Variants in FOXP1 observed in about 807,000 individuals in gnomAD.
FOXP1 encodes the protein forkhead box protein P1.
In FOXP1, 15 loss-of-function variants were observed where a neutral mutation model predicts 98.2. The ratio of observed to expected loss-of-function variants is 0.15; its 90% CI spans 0.10 to 0.24. The LOEUF is 0.24. Among genes scored for constraint, FOXP1 ranks in the 10% least tolerant of loss-of-function variants. FOXP1 has a pLI of 1.00. For missense variants in FOXP1, 633 were observed against 848.5 expected, an observed-to-expected ratio of 0.75 and a Z score of 3.15; for synonymous variants, 371 against 314.5, an observed-to-expected ratio of 1.18 and a Z score of -1.90.
intron 3 of FOXP1, among the ~76,000 whole-genome samples, chr3:71,433,921 A>G (rs1003452417): frequency 6.6e-6 from 1 of 152,248 alleles, no homozygotes; most frequent in Non-Finnish European, 1.5e-5. Flanking sequence ...CCAAATGGAA[A>G]CCCAAGCCCA....
At chr3:71,082,005 G>A (rs1046038500) in intron 7 of FOXP1, among the ~76,000 whole-genome samples, 16 of 152,152 alleles carry the variant, frequency 1.1e-4, no homozygotes, top group Admixed American at 2.6e-4. Context: ...TGCGCTGGGC[G>A]CGGTGGCTCA....
At position 71,581,551 on chromosome 3, in the gene FOXP1, G is replaced by A; in HGVS notation, c.-300C>T. On this transcript the variant is annotated splice_region_variant and 5_prime_UTR_variant, in exon 2 of 21. Transcript: ENST00000649528. The stretch of plus-strand genomic sequence containing the variant: ...CGCCCGCGGCCGCCTCGACTTACCC[G>A]CGGAGTCCGGGGAGGGAGTAGGAGC... The A allele has an allele frequency of 2.0e-6, 2 of 985,458 alleles. No individual in the cohort carries two copies. The highest frequency in any genetic ancestry group is 3.5e-5 in the African/African-American group (2 of 57,356). 61.0% of individuals were successfully genotyped at this position (985,458 alleles called of 1,614,324 possible). A position where few individuals can be genotyped will look rare whatever the true frequency, so the allele number is the denominator to read the frequency against.
chr3:71,540,538 A>G (rs1347164565), intron 2 of FOXP1, among the ~76,000 whole-genome samples: 1 of 152,234 alleles, frequency 6.6e-6, no homozygotes, highest in Non-Finnish European at 1.5e-5. Context: ...TAAGGACAAG[A>G]ATACTGTATG....
intron 2 of FOXP1, among the ~76,000 whole-genome samples, chr3:71,533,427 CTTACT>C (rs1169415683): frequency 6.6e-6 from 1 of 152,104 alleles, no homozygotes; most frequent in Non-Finnish European, 1.5e-5. Flanking sequence ...TTTCCTCTAG[CTTACT>C]TTATTGTCAG....
At chr3:71,541,610 T>TGG (rs1472468736) in intron 2 of FOXP1, among the ~76,000 whole-genome samples, 3 of 151,986 alleles carry the variant, frequency 2.0e-5, no homozygotes, top group African/African-American at 7.2e-5. Flanking sequence ...TACAGCAAAA[T>TGG]GTCACAGAAA....
chr3:71,355,169 C>A (rs2078066031), intron 4 of FOXP1, among the ~76,000 whole-genome samples: 1 of 152,170 alleles, frequency 6.6e-6, no homozygotes, highest in Admixed American at 6.5e-5. Flanking sequence ...CTCCCTCAAC[C>A]AGATACAGTC....
chr3:71,569,656 C>T (rs2047179494), intron 2 of FOXP1, among the ~76,000 whole-genome samples: 1 of 152,000 alleles, frequency 6.6e-6, no homozygotes, highest in South Asian at 2.1e-4. Flanking sequence ...CACACATACA[C>T]ATAGAGAGAG....
chr3:71,142,278 A>G (rs1387439305), intron 6 of FOXP1, among the ~76,000 whole-genome samples: 1 of 152,214 alleles, frequency 6.6e-6, no homozygotes, highest in Non-Finnish European at 1.5e-5. Context: ...CAGAATTCTC[A>G]GGTGACCCTT....
chr3:71,378,612 T>C (rs1351293178), intron 3 of FOXP1, among the ~76,000 whole-genome samples: 1 of 152,162 alleles, frequency 6.6e-6, no homozygotes, highest in African/African-American at 2.4e-5. Context: ...GTGTTCAAGG[T>C]ATCCTTATTT....
At chr3:71,244,487 G>A (rs1470222102) in intron 5 of FOXP1, among the ~76,000 whole-genome samples, 2 of 131,922 alleles carry the variant, frequency 1.5e-5, no homozygotes, top group African/African-American at 3.0e-5. Context: ...GAAAAGATCA[G>A]GAGAGTTGAA....
At chr3:70,976,336 G>A (rs901583862) in intron 17 of FOXP1, among the ~76,000 whole-genome samples, 3 of 152,174 alleles carry the variant, frequency 2.0e-5, no homozygotes, top group Non-Finnish European at 4.4e-5. Context: ...TTATAGGCAT[G>A]AGCCACTGTG....
chr3:70,979,434 G>C (rs1241311617), intron 14 of FOXP1, among the ~76,000 whole-genome samples: 3 of 151,198 alleles, frequency 2.0e-5, no homozygotes, highest in Non-Finnish European at 2.9e-5. Flanking sequence ...TGTTGCAACA[G>C]AAATATTATT....
chr3:71,507,349 T>C (rs529105835), intron 2 of FOXP1, among the ~76,000 whole-genome samples: 1 of 151,614 alleles, frequency 6.6e-6, no homozygotes, highest in Non-Finnish European at 1.5e-5. Context: ...AAAATAGTAA[T>C]CACTGGGGAG....
At chr3:71,521,035 A>G (rs373141432) in intron 2 of FOXP1, among the ~76,000 whole-genome samples, 18 of 152,204 alleles carry the variant, frequency 1.2e-4, no homozygotes, top group African/African-American at 4.3e-4. Context: ...GACCATGGAC[A>G]TAATGGGGAA....
At position 71,396,970 on chromosome 3, in the gene FOXP1, ATATATATATATGTG is replaced by A. The variant is rs1560424497; in HGVS notation, c.-167-37740_-167-37727del. 9.5e-4 allele frequency among the ~76,000 whole-genome samples: 44 copies of A among 46,236 alleles called. 3 individuals carry two copies. Among genetic ancestry groups the A allele is most frequent in the African/African-American group, 4.0e-3 (44 of 10,940 alleles). The allele number at this position is 46,236 out of a possible 152,430, so 30.3% of individuals were successfully genotyped here. A position where few individuals can be genotyped will look rare whatever the true frequency, so the allele number is the denominator to read the frequency against. On this transcript the variant is annotated intron_variant, in intron 3 of 20. Transcript: ENST00000649528. ...TATGTGTATATATATATATGTGTGT[ATATATATATATGTG>A]TATATATATACACATATATATGTGT...
chr3:70,975,230 G>A (rs1406294021), intron 17 of FOXP1, among the ~76,000 whole-genome samples: 3 of 152,152 alleles, frequency 2.0e-5, no homozygotes, highest in Non-Finnish European at 4.4e-5. Context: ...TTTATAAAAG[G>A]CAATCTGAAG....
intron 6 of FOXP1, among the ~76,000 whole-genome samples, chr3:71,179,241 G>A (rs1194358227): frequency 6.8e-6 from 1 of 147,952 alleles, no homozygotes; most frequent in Non-Finnish European, 1.5e-5. Context: ...CGATTCTCCT[G>A]CCTCAGCCTC....
rs139128497 is a variant in FOXP1, at chr3:70,970,646, A to G, written c.1722+90T>C. 3 of 1,077,446 alleles carry G rather than the reference A, an allele frequency of 2.8e-6. No homozygotes were observed. In the East Asian group the frequency reaches 7.1e-5, roughly 25 times the overall value. 66.7% of individuals were successfully genotyped at this position (1,077,446 alleles called of 1,614,324 possible). On this transcript the variant is annotated intron_variant, in intron 19 of 20. Coordinates refer to ENST00000649528, the MANE Select transcript of FOXP1 (RefSeq NM_001349338.3). ...AAAAGTTTAACGGAATTAAAATTTA[A>G]TATCTAATTAGAGCAAGGCTAATAT...
At chr3:71,194,681 T>C (rs577161813) in intron 6 of FOXP1, among the ~76,000 whole-genome samples, 1 of 152,110 alleles carries the variant, frequency 6.6e-6, no homozygotes, top group African/African-American at 2.4e-5. Context: ...TTTACAGACA[T>C]AGAAATGGTG....
Sources: allele counts gnomAD v4.1 joint callset (sites outside exome capture counted in the v4.1 genomes callset), GRCh38; gene constraint gnomAD v4.1.1; transcripts MANE v1.5; gene names NCBI Gene and HGNC (gene_info 2026-07-23, HGNC 2026-07-21).